MCM9: variants seen among roughly 807,000 people sequenced by gnomAD.
MCM9 encodes minichromosome maintenance 9 homologous recombination repair factor.
MCM9 carries 55 observed loss-of-function variants against 72.8 expected under a neutral mutation model. That is an observed-to-expected ratio of 0.76 (90% CI 0.61 to 0.95). The LOEUF (loss-of-function observed/expected upper bound fraction) is 0.95, where lower values mean the gene tolerates loss of function less well. Among genes scored for constraint, MCM9 ranks in the 40% least tolerant of loss-of-function variants. The probability of loss-of-function intolerance (pLI) is 0.00; values close to 1 mark genes in which losing one functional copy is unlikely to be tolerated. For synonymous variants in MCM9, 480 were observed against 503.4 expected, an observed-to-expected ratio of 0.95 and a Z score of 0.62; for missense variants, 1,279 against 1,377.0, an observed-to-expected ratio of 0.93 and a Z score of 1.13.
intron 3 of MCM9, among the ~76,000 whole-genome samples, chr6:118,928,347 G>C (rs538857260): frequency 1.3e-5 from 2 of 151,918 alleles, no homozygotes; most frequent in Middle Eastern, 6.8e-3. Context: ...GGAGGCAGAG[G>C]TTGCAGTGAA....
chr6:118,911,235 TAGGAGCTACTGTTGCC>T, intron 8 of MCM9: 1 of 987,046 alleles, frequency 1.0e-6, no homozygotes, highest in Non-Finnish European at 1.2e-6. Context: ...GAAATTTCAG[TAGGAGCTACTGTTGCC>T]TATCAGATTT....
At chr6:118,903,541 ATACGT>A (rs1420763479) in intron 8 of MCM9, among the ~76,000 whole-genome samples, 1 of 152,198 alleles carries the variant, frequency 6.6e-6, no homozygotes, top group Non-Finnish European at 1.5e-5. Flanking sequence ...ATCACAGGGC[ATACGT>A]TCTTAGATAA....
intron 1 of MCM9, among the ~76,000 whole-genome samples, chr6:118,933,691 C>A (rs1782645211): frequency 6.6e-6 from 1 of 152,050 alleles, no homozygotes; most frequent in African/African-American, 2.4e-5. Context: ...GTGTTATACA[C>A]GCTATTTGCT....
At chr6:118,906,081 T>C (rs972103219) in intron 8 of MCM9, among the ~76,000 whole-genome samples, 1 of 147,436 alleles carries the variant, frequency 6.8e-6, no homozygotes, top group Non-Finnish European at 1.5e-5. Context: ...AAAGTACCTC[T>C]TTTTTTTCTG....
rs114854447 is a variant in MCM9, at chr6:118,923,343, G to A, written c.621+468C>T. Among the ~76,000 whole-genome samples, 577 of 150,472 alleles carry A rather than the reference G, an allele frequency of 3.8e-3. 6 individuals are homozygous for A. Among genetic ancestry groups the A allele is most frequent in the African/African-American group, 0.013 (550 of 40,762 alleles). ...CTGTCAACCAGGCTAGAATGCAGATGCATGATCCATAGCTCACTGCCACCC... is the reference window on the plus strand; with the variant it reads ...CTGTCAACCAGGCTAGAATGCAGATACATGATCCATAGCTCACTGCCACCC... On this transcript the variant is annotated intron_variant, in intron 4 of 13. Coordinates refer to ENST00000619706, the MANE Select transcript of MCM9 (RefSeq NM_017696.3).
chr6:118,831,340 CA>C (rs869238859), intron 9 of MCM9, among the ~76,000 whole-genome samples: 26,770 of 71,250 alleles, frequency 0.38, 1,960 homozygotes, highest in East Asian at 0.54. Flanking sequence ...GAGACCATCT[CA>C]AAAAAAAAAA....
chr6:118,925,462 G>A (rs1444463731), intron 3 of MCM9, among the ~76,000 whole-genome samples: 1 of 152,110 alleles, frequency 6.6e-6, no homozygotes, highest in African/African-American at 2.4e-5. Flanking sequence ...AGTATGAGGG[G>A]AAAAAGCAAA....
At chr6:118,913,940 A>G (rs191473971) in intron 6 of MCM9, among the ~76,000 whole-genome samples, 1 of 152,248 alleles carries the variant, frequency 6.6e-6, no homozygotes, top group East Asian at 1.9e-4. Flanking sequence ...TTTCAGTAAA[A>G]TTACTCCACT....
intron 8 of MCM9, 146 bp from the exon 9 acceptor site, chr6:118,856,691 C>A: frequency 1.2e-6 from 1 of 804,512 alleles, no homozygotes; most frequent in Non-Finnish European, 1.9e-6. Context: ...CCTGCCTGGA[C>A]AACATGGCAA....
chr6:118,872,318 CA>C (rs36127301), intron 8 of MCM9, among the ~76,000 whole-genome samples: 45 of 140,090 alleles, frequency 3.2e-4, no homozygotes, highest in African/African-American at 1.1e-3. Flanking sequence ...GACTCCATCT[CA>C]AAAAAAAAAA....
At chr6:118,877,128 G>A (rs879314940) in intron 8 of MCM9, among the ~76,000 whole-genome samples, 4 of 152,182 alleles carry the variant, frequency 2.6e-5, no homozygotes, top group Admixed American at 6.5e-5. Context: ...GAGGACCAAG[G>A]ACCCACAGCC....
At chr6:118,914,209 T>G (rs1482988341) in intron 6 of MCM9, among the ~76,000 whole-genome samples, 1 of 152,200 alleles carries the variant, frequency 6.6e-6, no homozygotes, top group Non-Finnish European at 1.5e-5. Context: ...AGTGTAAGTA[T>G]GAGATCTCGA....
intron 8 of MCM9, among the ~76,000 whole-genome samples, chr6:118,909,508 C>T (rs1583632673): frequency 6.6e-6 from 1 of 152,114 alleles, no homozygotes; most frequent in African/African-American, 2.4e-5. Context: ...CCCGGTCTAG[C>T]GTCATTTGCC....
intron 8 of MCM9, among the ~76,000 whole-genome samples, chr6:118,858,707 T>C (rs140273921): frequency 0.076 from 11,605 of 152,180 alleles, 685 homozygotes; most frequent in East Asian, 0.19. Flanking sequence ...ATAAGTCTTA[T>C]AAAATACATG....
chr6:118,825,153 A>T (rs1187776104), intron 13 of MCM9, among the ~76,000 whole-genome samples: 9 of 152,180 alleles, frequency 5.9e-5, no homozygotes. Context: ...CAAGCCCAGG[A>T]GCGGCTTGAA....
rs530347838 is a variant in MCM9, at chr6:118,863,973, A to G, written c.1151-7428T>C. On this transcript the variant is annotated intron_variant, in intron 8 of 13. Coordinates refer to ENST00000619706, the MANE Select transcript of MCM9 (RefSeq NM_017696.3). ...CACCTTAAACATCAATGTTCTAAAT[A>G]TATCAATTAAGACAGAGATTGTCAG... 2.6e-5 allele frequency among the ~76,000 whole-genome samples: 4 copies of G among 152,226 alleles called. No homozygotes were observed. In the East Asian group the frequency reaches 7.7e-4, roughly 29 times the overall value.
In MCM9 at chr6:118,856,538, C is replaced by A. The variant is rs1470211323; in HGVS notation, c.1158G>T (p.Thr386=). The change falls in exon 9 of 14, where the codon ACG becomes ACT. Residue 386 remains threonine, a synonymous_variant. Coordinates refer to ENST00000619706, the MANE Select transcript of MCM9 (RefSeq NM_017696.3). ...TGIGSTSAGL[T]VTAVKDSGEW... is the part of the protein sequence containing the mutation. Reference sequence around the variant, plus strand: ...CTCCTGAGTCTTTTACAGCAGTTACCGTCAGACCTGAGGAAACAAGCAAGC... The same window carrying A: ...CTCCTGAGTCTTTTACAGCAGTTACAGTCAGACCTGAGGAAACAAGCAAGC... The A allele has an allele frequency of 6.5e-7, 1 of 1,535,416 alleles. No individual in the cohort carries two copies. Among genetic ancestry groups the A allele is most frequent in the South Asian group, 1.2e-5 (1 of 84,022 alleles).
chr6:118,910,627 G>A (rs1583637272), intron 8 of MCM9: 1 of 985,042 alleles, frequency 1.0e-6, no homozygotes, highest in East Asian at 1.1e-4. Context: ...TTTGTTGTTG[G>A]TATCATTTTA....
chr6:118,871,577 T>C (rs1048102214), intron 8 of MCM9, among the ~76,000 whole-genome samples: 2 of 152,252 alleles, frequency 1.3e-5, no homozygotes, highest in East Asian at 3.9e-4. Context: ...AAGATAAGGG[T>C]GCCCACTCTC....
Sources: gnomAD v4.1 joint callset for allele counts (sites outside exome capture counted in the v4.1 genomes callset) on GRCh38, gnomAD v4.1.1 for gene constraint, MANE v1.5 for transcripts, NCBI Gene and HGNC (gene_info 2026-07-23, HGNC 2026-07-21) for gene names.